Variants in MIPOL1 observed in about 807,000 individuals in gnomAD.
MIPOL1 encodes the protein mirror-image polydactyly gene 1 protein.
In MIPOL1, 57 loss-of-function variants were observed where a neutral mutation model predicts 60.9. The observed-to-expected ratio is 0.94, with a 90% CI of 0.76 to 1.17. The LOEUF (loss-of-function observed/expected upper bound fraction) is 1.17. MIPOL1 is among the 50% of genes most tolerant of loss of function. MIPOL1 has a pLI of 0.00. For synonymous variants in MIPOL1, 179 were observed against 168.8 expected, an observed-to-expected ratio of 1.06 and a Z score of -0.47; for missense variants, 551 against 511.6, an observed-to-expected ratio of 1.08 and a Z score of -0.74.
At chr14:37,286,526 A>G (rs2084578751) in intron 7 of MIPOL1, among the ~76,000 whole-genome samples, 2 of 152,188 alleles carry the variant, frequency 1.3e-5, no homozygotes, top group South Asian at 4.1e-4. Context: ...CAGTAATCTA[A>G]TATTTAATGA....
At chr14:37,332,755 T>C (rs2089817537) in intron 9 of MIPOL1, among the ~76,000 whole-genome samples, 1 of 152,216 alleles carries the variant, frequency 6.6e-6, no homozygotes, top group African/African-American at 2.4e-5. Flanking sequence ...TTTTTGGTAA[T>C]GTCATGACTT....
chr14:37,360,068 A>G (rs1325480471), intron 9 of MIPOL1, among the ~76,000 whole-genome samples: 2 of 152,058 alleles, frequency 1.3e-5, no homozygotes, highest in Non-Finnish European at 2.9e-5. Flanking sequence ...TCTGCATCTA[A>G]TGAGACAATC....
chr14:37,234,974 A>ATTT (rs1567094191), intron 1 of MIPOL1, among the ~76,000 whole-genome samples: 23 of 130,002 alleles, frequency 1.8e-4, no homozygotes, highest in Non-Finnish European at 2.4e-4. Flanking sequence ...TGTATTTTTC[A>ATTT]TAGAGACAGG....
intron 1 of MIPOL1, among the ~76,000 whole-genome samples, chr14:37,199,199 T>G (rs752121368): frequency 1.2e-4 from 18 of 151,982 alleles, no homozygotes; most frequent in Non-Finnish European, 1.3e-4. Flanking sequence ...AAAGTGTAAA[T>G]ACCCATGTAT....
At chr14:37,442,628 G>A (rs970286037) in intron 11 of MIPOL1, among the ~76,000 whole-genome samples, 13 of 150,758 alleles carry the variant, frequency 8.6e-5, no homozygotes, top group African/African-American at 3.2e-4. Context: ...ATGTACCCCC[G>A]AATCTAAAAT....
chr14:37,483,718 C>T (rs1566688755), intron 11 of MIPOL1, among the ~76,000 whole-genome samples: 2 of 152,024 alleles, frequency 1.3e-5, no homozygotes, highest in African/African-American at 2.4e-5. Context: ...TCACTGCAGC[C>T]TCAAACTCAG....
intron 12 of MIPOL1, among the ~76,000 whole-genome samples, chr14:37,525,448 T>G (rs1385795220): frequency 6.6e-6 from 1 of 152,212 alleles, no homozygotes; most frequent in African/African-American, 2.4e-5. Flanking sequence ...TACCATAGAA[T>G]ATAATCAATT....
chr14:37,479,986 T>C (rs1437144515), intron 11 of MIPOL1, among the ~76,000 whole-genome samples: 2 of 152,012 alleles, frequency 1.3e-5, no homozygotes, highest in African/African-American at 4.8e-5. Flanking sequence ...CACTGAATCA[T>C]GAAAAAGTAG....
intron 7 of MIPOL1, among the ~76,000 whole-genome samples, chr14:37,295,201 A>C (rs1004654902): frequency 2.6e-5 from 4 of 152,194 alleles, no homozygotes; most frequent in Non-Finnish European, 5.9e-5. Context: ...ATCCAGCCAA[A>C]CTAGGCTTCA....
chr14:37,225,068 A>G (rs945169396), intron 1 of MIPOL1, among the ~76,000 whole-genome samples: 1 of 152,138 alleles, frequency 6.6e-6, no homozygotes, highest in Non-Finnish European at 1.5e-5. Flanking sequence ...GGTCACGCTG[A>G]TGCAAGAGGT....
chr14:37,370,746 A>G (rs1444680686), intron 10 of MIPOL1, among the ~76,000 whole-genome samples: 2 of 152,174 alleles, frequency 1.3e-5, no homozygotes, highest in Non-Finnish European at 2.9e-5. Context: ...TCTTCTTTAG[A>G]TAGATGAAAA....
intron 10 of MIPOL1, among the ~76,000 whole-genome samples, chr14:37,371,536 A>G (rs972434380): frequency 6.6e-6 from 1 of 152,066 alleles, no homozygotes; most frequent in Non-Finnish European, 1.5e-5. Context: ...CATAACATTC[A>G]TTAATAAGCT....
At chr14:37,308,126 C>G in intron 8 of MIPOL1, 37 bp downstream of exon 8, 1 of 1,587,180 alleles carries the variant, frequency 6.3e-7, no homozygotes, top group Non-Finnish European at 8.6e-7. Flanking sequence ...TGATGTCAGT[C>G]TTATATCTTA....
At chr14:37,435,021 A>T (rs1595762597) in intron 11 of MIPOL1, among the ~76,000 whole-genome samples, 1 of 152,120 alleles carries the variant, frequency 6.6e-6, no homozygotes, top group East Asian at 1.9e-4. Context: ...AGGGGCATGC[A>T]CTTGCCATTT....
At chr14:37,456,750 G>A (rs2094480341) in intron 11 of MIPOL1, among the ~76,000 whole-genome samples, 1 of 152,052 alleles carries the variant, frequency 6.6e-6, no homozygotes, top group South Asian at 2.1e-4. Flanking sequence ...CCAGAAGGTA[G>A]ACAGAGATAT....
chr14:37,410,592 C>G (rs2093665481), intron 10 of MIPOL1, among the ~76,000 whole-genome samples: 1 of 151,970 alleles, frequency 6.6e-6, no homozygotes, highest in African/African-American at 2.4e-5. Context: ...AGAAAAGTGA[C>G]TAATATAAAT....
At chr14:37,425,478 C>G (rs2093945556) in intron 11 of MIPOL1, among the ~76,000 whole-genome samples, 1 of 152,116 alleles carries the variant, frequency 6.6e-6, no homozygotes, top group Admixed American at 6.5e-5. Context: ...ACTTTTCTCA[C>G]TGCTACTTAA....
In MIPOL1 at chr14:37,289,537, A is replaced by G. The variant is rs539556377; in HGVS notation, c.623+4090A>G. On this transcript the variant is annotated intron_variant, in intron 7 of 12. Coordinates refer to ENST00000684589, the MANE Select transcript of MIPOL1 (RefSeq NM_001388067.1). Reference sequence around the variant, plus strand: ...AACTCAGGGAATCTTACTTACGTTTATTAAAAAGGATATGACAATGGATAC... The same window carrying G: ...AACTCAGGGAATCTTACTTACGTTTGTTAAAAAGGATATGACAATGGATAC... 6.6e-5 allele frequency among the ~76,000 whole-genome samples: 10 copies of G among 152,324 alleles called. No individual in the cohort carries two copies. The South Asian group carries it at 2.1e-3, about 32-fold the overall frequency.
chr14:37,372,954 T>C (rs1446246954), intron 10 of MIPOL1, among the ~76,000 whole-genome samples: 3 of 152,164 alleles, frequency 2.0e-5, no homozygotes, highest in Non-Finnish European at 2.9e-5. Context: ...TATCTACTTA[T>C]GTTAAGAAAT....
Sources: gnomAD v4.1 joint callset for allele counts (sites outside exome capture counted in the v4.1 genomes callset) on GRCh38, gnomAD v4.1.1 for gene constraint, MANE v1.5 for transcripts, NCBI Gene and HGNC (gene_info 2026-07-23, HGNC 2026-07-21) for gene names.